The following PLD5 variants were observed in gnomAD, a reference collection of about 807,000 sequenced individuals.
The protein encoded by PLD5 is phospholipase D family member 5.
PLD5 carries 36 observed loss-of-function variants against 61.1 expected under a neutral mutation model. The observed-to-expected ratio is 0.59, with a 90% CI of 0.45 to 0.78. PLD5 has a LOEUF of 0.78. PLD5 is among the 30% of genes least tolerant of loss of function. The pLI is 0.00. For synonymous variants in PLD5, 243 were observed against 242.8 expected (o/e 1.00, Z -0.01); for missense variants, 515 against 644.4 (o/e 0.80, Z 2.17).
chr1:242,104,713 G>T (rs151049516), intron 8 of PLD5, among the ~76,000 whole-genome samples: 1 of 152,170 alleles, frequency 6.6e-6, no homozygotes, highest in East Asian at 1.9e-4. Context: ...AGAGATGGGG[G>T]TCTCCCTACT....
rs1558526124 is a variant in PLD5, at chr1:242,394,406, A to ATATATGAGTATATATGTGTG, written c.190-46184_190-46165dup. On this transcript the variant is annotated intron_variant, in intron 1 of 9. Transcript: ENST00000536534. ...TGTATATATGAGTATATATGTGTGT[A>ATATATGAGTATATATGTGTG]TATATGAGTATATATGTGTGTATAT... Among the ~76,000 whole-genome samples the ATATATGAGTATATATGTGTG allele has an allele frequency of 2.0e-3, 96 of 47,582 alleles. 11 individuals carry two copies. The highest frequency in any genetic ancestry group is 0.024 in the Middle Eastern group (1 of 42). The allele number at this position is 47,582 out of a possible 152,430, so 31.2% of individuals were successfully genotyped here. A position where few individuals can be genotyped will look rare whatever the true frequency, so the allele number is the denominator to read the frequency against.
intron 4 of PLD5, among the ~76,000 whole-genome samples, 191 bp from the exon 5 acceptor site, chr1:242,220,306 TAAAAG>T (rs113967982): frequency 0.32 from 47,948 of 151,086 alleles, 7,947 homozygotes; most frequent in East Asian, 0.58. Flanking sequence ...CAAAGAAAAC[TAAAAG>T]AAAAGAAAAG....
At position 242,309,573 on chromosome 1, in the gene PLD5, C is replaced by T. The variant is rs1474520677; in HGVS notation, c.327-21043G>A. The stretch of plus-strand genomic sequence containing the variant: ...ATTTTTAGTAGAGATCGGGTTTCAC[C>T]ATGTTGGCCAGGCTGGTCTCCAGCT... On this transcript the variant is annotated intron_variant, in intron 2 of 9. Coordinates refer to ENST00000536534, the MANE Select transcript of PLD5 (RefSeq NM_001372062.1). Among the ~76,000 whole-genome samples, 14 of 151,800 alleles carry T rather than the reference C, an allele frequency of 9.2e-5. No individual in the cohort carries two copies. The East Asian group carries it at 2.5e-3, about 27-fold the overall frequency.
chr1:242,420,173 AC>A (rs1243839984), intron 1 of PLD5, among the ~76,000 whole-genome samples: 1 of 152,158 alleles, frequency 6.6e-6, no homozygotes, highest in Non-Finnish European at 1.5e-5. Context: ...TCTTATTAAT[AC>A]TCAGAAAGCT....
At chr1:242,474,157 C>T (rs188048024) in intron 1 of PLD5, among the ~76,000 whole-genome samples, 62 of 152,304 alleles carry the variant, frequency 4.1e-4, no homozygotes, top group South Asian at 8.3e-4. Flanking sequence ...AAAGTAACTG[C>T]GGTGTTTGCC....
At chr1:242,379,111 T>A (rs72763079) in intron 1 of PLD5, among the ~76,000 whole-genome samples, 30,331 of 152,022 alleles carry the variant, frequency 0.2, 3,365 homozygotes, top group African/African-American at 0.3. Flanking sequence ...GCAACTAGCT[T>A]AATATATCTG....
chr1:242,101,360 A>G (rs1354578146), intron 8 of PLD5, among the ~76,000 whole-genome samples: 2 of 152,108 alleles, frequency 1.3e-5, no homozygotes, highest in East Asian at 1.9e-4. Flanking sequence ...TTCAACTTTT[A>G]TTGACTCAAA....
At chr1:242,410,566 T>A (rs1664492790) in intron 1 of PLD5, among the ~76,000 whole-genome samples, 2 of 152,122 alleles carry the variant, frequency 1.3e-5, no homozygotes, top group Non-Finnish European at 2.9e-5. Flanking sequence ...TGCTATTTTC[T>A]ATTTTTTTTT....
chr1:242,123,162 TCTTGAATACTATGA>T (rs1662519035), intron 6 of PLD5, among the ~76,000 whole-genome samples: 1 of 152,206 alleles, frequency 6.6e-6, no homozygotes, highest in Admixed American at 6.5e-5. Flanking sequence ...GCCGACAGGT[TCTTGAATACTATGA>T]CTTTAAGCAA....
intron 1 of PLD5, among the ~76,000 whole-genome samples, chr1:242,408,998 C>T (rs982624134): frequency 9.2e-5 from 14 of 151,482 alleles, no homozygotes; most frequent in South Asian, 4.2e-4. Context: ...ACCCAGGAGG[C>T]GAAGGTGGCA....
chr1:242,505,890 G>A (rs1480063219), intron 1 of PLD5, among the ~76,000 whole-genome samples: 1 of 152,222 alleles, frequency 6.6e-6, no homozygotes, highest in Non-Finnish European at 1.5e-5. Context: ...TAAAAGCAGT[G>A]CAAGCACAAG....
chr1:242,091,760 C>G (rs1461053566), intron 9 of PLD5, among the ~76,000 whole-genome samples: 1 of 152,026 alleles, frequency 6.6e-6, no homozygotes, highest in East Asian at 1.9e-4. Context: ...CATCCCTCCA[C>G]TTGCTTTCTG....
At chr1:242,365,201 GTC>G (rs1383305780) in intron 1 of PLD5, 2 of 152,240 alleles carry the variant, frequency 1.3e-5, no homozygotes, top group Non-Finnish European at 2.9e-5. Flanking sequence ...GAGCAGTAAA[GTC>G]TCTCAGGACA....
rs140682355 is a variant in PLD5, at chr1:242,396,781, C to T, written c.190-48539G>A. Among the ~76,000 whole-genome samples the T allele has an allele frequency of 4.7e-4, 71 of 150,792 alleles. No individual in the cohort carries two copies. In the South Asian group the frequency reaches 5.1e-3, roughly 11 times the overall value. ...TCCACCTCCACCACCTGGGTTCAAG[C>T]GATTCTCCTGCCTCAGCCTCTCCTA... is the stretch of plus-strand genomic sequence containing the variant. On this transcript the variant is annotated intron_variant, in intron 1 of 9. Coordinates refer to ENST00000536534, the MANE Select transcript of PLD5 (RefSeq NM_001372062.1).
rs1676580262 is a variant in PLD5, at chr1:242,309,609, G to A, written c.327-21079C>T. ...GGCTGGTCTCCAGCTTCTGACCTCA[G>A]GTGATCCGCCCACCTCGGCCTCCCA... On this transcript the variant is annotated intron_variant, in intron 2 of 9. Transcript: ENST00000536534. Among the ~76,000 whole-genome samples the A allele has an allele frequency of 2.6e-5, 4 of 151,402 alleles. No homozygotes were observed. The South Asian group carries it at 8.4e-4, about 32-fold the overall frequency.
intron 4 of PLD5, among the ~76,000 whole-genome samples, chr1:242,237,593 G>A (rs1375211143): frequency 2.6e-5 from 4 of 152,196 alleles, no homozygotes; most frequent in East Asian, 3.9e-4. Context: ...ATCTGGTGAT[G>A]CTCAGTAACA....
intron 5 of PLD5, among the ~76,000 whole-genome samples, chr1:242,157,245 C>T (rs1665450978): frequency 6.6e-6 from 1 of 152,188 alleles, no homozygotes; most frequent in South Asian, 2.1e-4. Flanking sequence ...TTCTAGTTAG[C>T]AATTCGTCTA....
At chr1:242,140,714 G>A (rs923377310) in intron 5 of PLD5, among the ~76,000 whole-genome samples, 2 of 151,892 alleles carry the variant, frequency 1.3e-5, no homozygotes, top group Non-Finnish European at 2.9e-5. Flanking sequence ...GGCCAACTGA[G>A]ACATAGTTTC....
chr1:242,383,737 AG>A (rs1450716616), intron 1 of PLD5, among the ~76,000 whole-genome samples: 5 of 152,152 alleles, frequency 3.3e-5, no homozygotes, highest in African/African-American at 1.2e-4. Flanking sequence ...TTTGAAGACG[AG>A]GCTGCATTCA....
Sources: gnomAD v4.1 joint callset for allele counts (sites outside exome capture counted in the v4.1 genomes callset) on GRCh38, gnomAD v4.1.1 for gene constraint, MANE v1.5 for transcripts, NCBI Gene and HGNC (gene_info 2026-07-23, HGNC 2026-07-21) for gene names.